Variants in MSI2 observed in about 807,000 individuals in gnomAD.
MSI2 encodes RNA-binding protein Musashi homolog 2.
MSI2 carries 17 observed loss-of-function variants against 45.6 expected under a neutral mutation model. The ratio of observed to expected loss-of-function variants is 0.37; its 90% CI spans 0.26 to 0.56. MSI2 has a LOEUF of 0.56. MSI2 is among the 20% of genes least tolerant of loss of function. The probability of loss-of-function intolerance (pLI) is 0.77; values close to 1 mark genes in which losing one functional copy is unlikely to be tolerated. For synonymous variants in MSI2, 156 were observed against 158.2 expected, an observed-to-expected ratio of 0.99 and a Z score of 0.11; for missense variants, 293 against 444.2, an observed-to-expected ratio of 0.66 and a Z score of 3.06.
chr17:57,265,299 C>T lies in MSI2; in HGVS notation c.312+3107C>T, dbSNP rs186419228. 2.6e-5 allele frequency: 4 copies of T among 152,206 alleles called. No homozygotes were observed. The East Asian group carries it at 5.8e-4, about 22-fold the overall frequency. 9.4% of individuals were successfully genotyped at this position (152,206 alleles called of 1,614,324 possible). On this transcript the variant is annotated intron_variant, in intron 5 of 13. Coordinates refer to ENST00000284073, the MANE Select transcript of MSI2 (RefSeq NM_138962.4). ...ACCCTGCCCCTCCTCGTGGGATGGG[C>T]GAGGAGCTTGTAAATGATATGTCAG...
the MSI2 span, among the ~76,000 whole-genome samples, chr17:57,695,055 G>A: frequency 6.6e-6 from 1 of 152,206 alleles, no homozygotes; most frequent in East Asian, 1.9e-4. Flanking sequence ...TCAAATCACA[G>A]CATGTCATAG....
intron 5 of MSI2, among the ~76,000 whole-genome samples, chr17:57,395,999 G>A (rs2083881710): frequency 6.6e-6 from 1 of 152,150 alleles, no homozygotes; most frequent in African/African-American, 2.4e-5. Flanking sequence ...CATCTTTCCT[G>A]GGCTTTCTCC....
At position 57,552,284 on chromosome 17, in the gene MSI2, G is replaced by C. The variant is rs1221366528; in HGVS notation, c.454+22560G>C. 6.6e-6 allele frequency among the ~76,000 whole-genome samples: 1 copy of C among 152,198 alleles called. No individual in the cohort carries two copies. The highest frequency in any genetic ancestry group is 2.4e-5 in the African/African-American group (1 of 41,452). ...TTGAAGTTCAGAGTGATGTTCACTG[G>C]TCTGTAATTCCTGACTCCCTTCCTG... On this transcript the variant is annotated intron_variant, in intron 7 of 13. Transcript: ENST00000284073. This position sits in a 1 kb window ranked among gnomAD's most constrained non-coding sequence, Gnocchi z 4.3.
chr17:57,445,292 C>T (rs2084876762), intron 6 of MSI2, among the ~76,000 whole-genome samples: 1 of 152,136 alleles, frequency 6.6e-6, no homozygotes, highest in Non-Finnish European at 1.5e-5. Flanking sequence ...ATGTTTGCTC[C>T]TGAAATGAGA....
At chr17:57,348,004 C>A (rs992233482) in intron 5 of MSI2, among the ~76,000 whole-genome samples, 2 of 152,222 alleles carry the variant, frequency 1.3e-5, no homozygotes, top group Non-Finnish European at 2.9e-5. Context: ...GTTGTGTGCA[C>A]GGTGCCCTTG....
intron 8 of MSI2, among the ~76,000 whole-genome samples, chr17:57,613,027 C>CT (rs1907320702): frequency 6.6e-6 from 1 of 152,110 alleles, no homozygotes; most frequent in African/African-American, 2.4e-5. Context: ...GGAGAGAAAC[C>CT]TAAAAGAGCC....
At chr17:57,299,440 T>C (rs1261110564) in intron 5 of MSI2, among the ~76,000 whole-genome samples, 2 of 152,202 alleles carry the variant, frequency 1.3e-5, no homozygotes, top group Non-Finnish European at 1.5e-5. Context: ...ACGTAACTCC[T>C]CCTTTCACGT....
At chr17:57,285,726 G>A (rs1489331058) in intron 5 of MSI2, 11 of 736,562 alleles carry the variant, frequency 1.5e-5, no homozygotes, top group Non-Finnish European at 2.2e-5. Context: ...CCCCAAGTAG[G>A]TATTCCTGAG....
chr17:57,297,501 G>T (rs569591513), intron 5 of MSI2, among the ~76,000 whole-genome samples: 10 of 152,266 alleles, frequency 6.6e-5, no homozygotes, highest in African/African-American at 1.9e-4. Context: ...CTTTTTGCTG[G>T]TGGAGGGTCT....
intron 6 of MSI2, among the ~76,000 whole-genome samples, chr17:57,490,245 T>C (rs1262685698): frequency 6.6e-6 from 1 of 152,234 alleles, no homozygotes. Flanking sequence ...CTCTTGCTGA[T>C]TTAGCAACAG....
chr17:57,667,625 C>A (rs1912466124), intron 11 of MSI2, among the ~76,000 whole-genome samples: 1 of 152,218 alleles, frequency 6.6e-6, no homozygotes, highest in African/African-American at 2.4e-5. Flanking sequence ...CAAGCCCAGT[C>A]CCTCAGGGCC....
intron 5 of MSI2, among the ~76,000 whole-genome samples, chr17:57,355,170 C>T (rs1462590426): frequency 2.6e-5 from 4 of 152,188 alleles, no homozygotes; most frequent in African/African-American, 9.6e-5. Context: ...TCTCCTCTCT[C>T]CTTTTCTCTG....
chr17:57,674,809 T>C, intron 11 of MSI2, 163 bp from the exon 12 acceptor site: 5 of 1,021,588 alleles, frequency 4.9e-6, no homozygotes, highest in Non-Finnish European at 5.7e-6. Context: ...TGGCCTTGGT[T>C]GAGTGTTAGA....
intron 6 of MSI2, among the ~76,000 whole-genome samples, chr17:57,465,307 A>T (rs1432663864): frequency 6.6e-6 from 1 of 152,116 alleles, no homozygotes. Flanking sequence ...ACTTAAAGAA[A>T]AAAAAACACA....
chr17:57,257,379 T>A, intron 2 of MSI2, 87 bp from the exon 3 acceptor site: 1 of 840,228 alleles, frequency 1.2e-6, no homozygotes, highest in Non-Finnish European at 1.8e-6. Context: ...AAACTACTTT[T>A]GGATTTTGTC....
At chr17:57,532,812 C>T (rs533186146) in intron 7 of MSI2, among the ~76,000 whole-genome samples, 1 of 152,358 alleles carries the variant, frequency 6.6e-6, no homozygotes, top group Admixed American at 6.5e-5. Context: ...AGGCCCAGAC[C>T]ATCGACCCAG....
intron 5 of MSI2, among the ~76,000 whole-genome samples, chr17:57,333,164 G>A (rs755169990): frequency 7.9e-5 from 12 of 152,142 alleles, no homozygotes; most frequent in Non-Finnish European, 1.5e-4. Flanking sequence ...TCTGTGAAAT[G>A]GAAATGATAT....
At chr17:57,401,276 G>A in intron 5 of MSI2, 103 bp from the exon 6 acceptor site, 1 of 912,798 alleles carries the variant, frequency 1.1e-6, no homozygotes, top group South Asian at 1.4e-5. Context: ...ATCTAAAATT[G>A]CCTTCCTAGA....
chr17:57,296,499 C>G (rs987718182), intron 5 of MSI2, among the ~76,000 whole-genome samples: 1 of 152,094 alleles, frequency 6.6e-6, no homozygotes, highest in Non-Finnish European at 1.5e-5. Flanking sequence ...GCCAGAAGAT[C>G]GTGTCAAAGA....
Sources: gnomAD v4.1 joint callset for allele counts (sites outside exome capture counted in the v4.1 genomes callset) on GRCh38, gnomAD v4.1.1 for gene constraint, Gnocchi (gnomAD v3.1) non-coding constraint, MANE v1.5 for transcripts, NCBI Gene and HGNC (gene_info 2026-07-23, HGNC 2026-07-21) for gene names.